CDK6: variants seen among roughly 807,000 people sequenced by gnomAD.
CDK6 encodes cyclin-dependent kinase 6.
A neutral mutation model predicts 37.1 loss-of-function variants in CDK6; 6 were observed. That is an observed-to-expected ratio of 0.16 (90% CI 0.09 to 0.32). The LOEUF (loss-of-function observed/expected upper bound fraction) is 0.32. Ranked by LOEUF, CDK6 falls within the 10% of genes least tolerant of loss-of-function variation. The pLI is 1.00. For missense variants in CDK6, 224 were observed against 418.9 expected, an observed-to-expected ratio of 0.53 and a Z score of 4.06; for synonymous variants, 160 against 161.3, an observed-to-expected ratio of 0.99 and a Z score of 0.06.
chr7:92,821,726 T>C lies in CDK6; in HGVS notation c.233+11365A>G, dbSNP rs191261804. ...TATATATATTGTATAAATTATGTTA[T>C]ATATATAATTAGTTTATTGCTATGT... is the stretch of plus-strand genomic sequence containing the variant. On this transcript the variant is annotated intron_variant, in intron 2 of 7. Coordinates refer to ENST00000424848, the MANE Select transcript of CDK6 (RefSeq NM_001145306.2). 6.1e-4 allele frequency among the ~76,000 whole-genome samples: 93 copies of C among 151,448 alleles called. 1 individual carries two copies. Among genetic ancestry groups the C allele is most frequent in the African/African-American group, 2.2e-3 (89 of 41,384 alleles).
chr7:92,821,817 C>T (rs900277938), intron 2 of CDK6, among the ~76,000 whole-genome samples: 2 of 151,864 alleles, frequency 1.3e-5, no homozygotes, highest in Non-Finnish European at 2.9e-5. Context: ...CTGTTCTAAG[C>T]AGAGGAGGAA....
chr7:92,618,210 A>G lies in CDK6; in HGVS notation c.699-3T>C, dbSNP rs2116485087. The G allele has an allele frequency of 1.2e-6, 2 of 1,613,906 alleles. No individual in the cohort carries two copies. Among genetic ancestry groups the G allele is most frequent in the Non-Finnish European group, 1.7e-6 (2 of 1,179,884 alleles). On this transcript the variant is annotated splice_polypyrimidine_tract_variant and splice_region_variant and intron_variant, in intron 6 of 7. Coordinates refer to ENST00000424848, the MANE Select transcript of CDK6 (RefSeq NM_001145306.2). Reference sequence around the variant, plus strand: ...CTTCTCCTGGGAGTCCAATCACGCTACAAAAGAACCACACATGGACATAAG... The same window carrying G: ...CTTCTCCTGGGAGTCCAATCACGCTGCAAAAGAACCACACATGGACATAAG...
chr7:92,721,980 A>G (rs929203207), intron 4 of CDK6, among the ~76,000 whole-genome samples: 1 of 152,228 alleles, frequency 6.6e-6, no homozygotes, highest in African/African-American at 2.4e-5. Context: ...CATAGAGCAT[A>G]CTGGCTCAGA....
intron 2 of CDK6, among the ~76,000 whole-genome samples, chr7:92,802,411 T>C (rs963760290): frequency 6.6e-6 from 1 of 152,188 alleles, no homozygotes; most frequent in African/African-American, 2.4e-5. Context: ...TATTAAAAAT[T>C]TGACCTGAAA....
At chr7:92,690,203 C>T (rs1797570729) in intron 4 of CDK6, among the ~76,000 whole-genome samples, 1 of 152,106 alleles carries the variant, frequency 6.6e-6, no homozygotes, top group Non-Finnish European at 1.5e-5. Flanking sequence ...TTGCCTGTGC[C>T]TATGTCCTGA....
chr7:92,723,654 C>A (rs1457445602), intron 4 of CDK6, among the ~76,000 whole-genome samples: 5 of 152,006 alleles, frequency 3.3e-5, no homozygotes, highest in Non-Finnish European at 7.4e-5. Context: ...CCATTAAATT[C>A]CAACCGTCAC....
chr7:92,824,260 A>AT (rs1163348283), intron 2 of CDK6, among the ~76,000 whole-genome samples: 2 of 152,116 alleles, frequency 1.3e-5, no homozygotes, highest in African/African-American at 2.4e-5. Flanking sequence ...TTTAAATGTC[A>AT]TAAGTCAGTC....
chr7:92,801,902 T>C (rs986485836), intron 2 of CDK6, among the ~76,000 whole-genome samples: 1 of 151,748 alleles, frequency 6.6e-6, no homozygotes, highest in African/African-American at 2.4e-5. Flanking sequence ...AGATTACAGG[T>C]GTGAGCTGCT....
At chr7:92,627,188 TA>T (rs1390309363) in intron 5 of CDK6, among the ~76,000 whole-genome samples, 3 of 152,104 alleles carry the variant, frequency 2.0e-5, no homozygotes, top group Non-Finnish European at 4.4e-5. Flanking sequence ...TTATGCTCAG[TA>T]AAAGAAGCCA....
At chr7:92,660,162 C>T (rs1240431580) in intron 5 of CDK6, among the ~76,000 whole-genome samples, 2 of 152,192 alleles carry the variant, frequency 1.3e-5, no homozygotes, top group African/African-American at 4.8e-5. Flanking sequence ...AGAAACAACA[C>T]CGTGCTCTGC....
At position 92,778,924 on chromosome 7, in the gene CDK6, C is replaced by T. The variant is rs1391486196; in HGVS notation, c.234-4093G>A. ...AGTTCTTACTGCATTTATAGTTTAT[C>T]ATATATATATATATATATATATAAG... is the stretch of plus-strand genomic sequence containing the variant. On this transcript the variant is annotated intron_variant, in intron 2 of 7. Transcript: ENST00000424848. 4.6e-5 allele frequency among the ~76,000 whole-genome samples: 5 copies of T among 109,016 alleles called. No homozygotes were observed. In the East Asian group the frequency reaches 1.0e-3, roughly 22 times the overall value. The allele number at this position is 109,016 out of a possible 152,430, so 71.5% of individuals were successfully genotyped here.
At chr7:92,684,352 A>G (rs1175323994) in intron 4 of CDK6, among the ~76,000 whole-genome samples, 1 of 152,250 alleles carries the variant, frequency 6.6e-6, no homozygotes, top group Non-Finnish European at 1.5e-5. Context: ...GTTTACCAGA[A>G]AAGCTGACAA....
chr7:92,816,273 C>A (rs938107358), intron 2 of CDK6, among the ~76,000 whole-genome samples: 30 of 151,970 alleles, frequency 2.0e-4, no homozygotes, highest in African/African-American at 7.0e-4. Flanking sequence ...GAATAGCAGA[C>A]AAAGAAATTA....
chr7:92,702,133 G>A (rs1312201439), intron 4 of CDK6, among the ~76,000 whole-genome samples: 2 of 145,926 alleles, frequency 1.4e-5, no homozygotes, highest in Non-Finnish European at 3.0e-5. Flanking sequence ...TATTTTGGCT[G>A]ATTCTTATAA....
chr7:92,614,925 A>G lies in CDK6; in HGVS notation c.*215T>C. 1 of 462,972 alleles carries G rather than the reference A, an allele frequency of 2.2e-6. No homozygotes were observed. The highest frequency in any genetic ancestry group is 3.8e-6 in the Non-Finnish European group (1 of 261,438). The allele number at this position is 462,972 out of a possible 1,614,324, so 28.7% of individuals were successfully genotyped here. A position where few individuals can be genotyped will look rare whatever the true frequency, so the allele number is the denominator to read the frequency against. On this transcript the variant is annotated 3_prime_UTR_variant, in exon 8 of 8. Transcript: ENST00000424848. ...GTTCTTGAAACAAACAGACAAACAA[A>G]CAAACAAATGAACATAAAGCTGCAA...
At chr7:92,680,435 GAAAAAAAAAAAAAAAA>G (rs778849907) in intron 4 of CDK6, among the ~76,000 whole-genome samples, 5 of 27,934 alleles carry the variant, frequency 1.8e-4, no homozygotes, top group African/African-American at 6.1e-4. Flanking sequence ...TTCCATCTCA[GAAAAAAAAAAAAAAAA>G]AAAAAAAAAA....
chr7:92,640,162 C>T (rs1479557449), intron 5 of CDK6, among the ~76,000 whole-genome samples: 3 of 152,138 alleles, frequency 2.0e-5, no homozygotes, highest in Admixed American at 6.5e-5. Flanking sequence ...GCCCATGGAA[C>T]GTATATGTAT....
At chr7:92,741,076 A>T (rs1798913940) in intron 3 of CDK6, among the ~76,000 whole-genome samples, 1 of 152,224 alleles carries the variant, frequency 6.6e-6, no homozygotes, top group South Asian at 2.1e-4. Flanking sequence ...AAATGAAGAC[A>T]GCTAAAATAT....
chr7:92,619,702 T>C (rs1173057250), intron 6 of CDK6, among the ~76,000 whole-genome samples: 4 of 151,900 alleles, frequency 2.6e-5, no homozygotes, highest in Non-Finnish European at 4.4e-5. Context: ...CCTGTCATCA[T>C]GGCTTCTCTG....
Sources: gnomAD v4.1 joint callset for allele counts (sites outside exome capture counted in the v4.1 genomes callset) on GRCh38, gnomAD v4.1.1 for gene constraint, MANE v1.5 for transcripts, NCBI Gene and HGNC (gene_info 2026-07-23, HGNC 2026-07-21) for gene names.